The following PDE1C variants were observed in gnomAD, a reference collection of about 807,000 sequenced individuals.
PDE1C encodes the protein phosphodiesterase 1C.
PDE1C carries 62 observed loss-of-function variants against 93.1 expected under a neutral mutation model. The observed-to-expected ratio is 0.67, with a 90% CI of 0.54 to 0.82. The LOEUF is 0.82. Among genes scored for constraint, PDE1C ranks in the 40% least tolerant of loss-of-function variants. The pLI, the probability that PDE1C is intolerant of heterozygous loss-of-function variation, is 0.00. For missense variants in PDE1C, 742 were observed against 884.6 expected (o/e 0.84, Z 2.04); for synonymous variants, 325 against 310.1 (o/e 1.05, Z -0.50).
intron 1 of PDE1C, among the ~76,000 whole-genome samples, chr7:32,317,249 A>G (rs1783193909): frequency 6.6e-6 from 1 of 152,114 alleles, no homozygotes; most frequent in Non-Finnish European, 1.5e-5. Flanking sequence ...TTTATTCTCA[A>G]CTCATGTTTT....
chr7:31,638,769 T>C, the PDE1C span, among the ~76,000 whole-genome samples: 1 of 152,250 alleles, frequency 6.6e-6, no homozygotes, highest in East Asian at 1.9e-4. Flanking sequence ...TTTTCTTTCT[T>C]TTGTTTTTCG....
chr7:32,193,650 A>G (rs1804389696), intron 2 of PDE1C, among the ~76,000 whole-genome samples: 1 of 152,118 alleles, frequency 6.6e-6, no homozygotes, highest in Non-Finnish European at 1.5e-5. Context: ...CATCAAGACA[A>G]TGTTAGCTTC....
At chr7:32,420,124 TACACAC>T (rs1156625491) in intron 1 of PDE1C, among the ~76,000 whole-genome samples, 492 of 13,076 alleles carry the variant, frequency 0.038, 85 homozygotes, top group Non-Finnish European at 0.048. Flanking sequence ...TATATATATA[TACACAC>T]ACACACACAC....
chr7:31,660,937 CTATA>C, the PDE1C span, among the ~76,000 whole-genome samples: 5 of 151,650 alleles, frequency 3.3e-5, no homozygotes, highest in African/African-American at 4.8e-5. Context: ...ACATATATGC[CTATA>C]TATAGTGTTC....
At chr7:31,896,022 C>CATACAT (rs772075053) in intron 2 of PDE1C, among the ~76,000 whole-genome samples, 1 of 151,940 alleles carries the variant, frequency 6.6e-6, no homozygotes. Flanking sequence ...TACATACATA[C>CATACAT]ACACACAAAC....
At position 31,841,225 on chromosome 7, in the gene PDE1C, C is replaced by CTATATA. The variant is rs1245444243; in HGVS notation, c.981-3255_981-3254insTATATA. On this transcript the variant is annotated intron_variant, in intron 9 of 17. Coordinates refer to ENST00000396191, the MANE Select transcript of PDE1C (RefSeq NM_001191057.4). ...CCTCTCTCTGTCTCTCTCTCTCTCT[C>CTATATA]TCTATATATATATATATATGTATAT... 1.1e-4 allele frequency among the ~76,000 whole-genome samples: 10 copies of CTATATA among 89,644 alleles called. No individual in the cohort carries two copies. In the East Asian group the frequency reaches 3.0e-3, roughly 27 times the overall value. 58.8% of individuals were successfully genotyped at this position (89,644 alleles called of 152,430 possible).
chr7:31,742,863 G>C, the PDE1C span, among the ~76,000 whole-genome samples: 1 of 152,130 alleles, frequency 6.6e-6, no homozygotes, highest in Non-Finnish European at 1.5e-5. Flanking sequence ...TCTGTCCCCA[G>C]TGTGGTCCCT....
At chr7:32,259,358 C>T (rs895847535) in intron 1 of PDE1C, among the ~76,000 whole-genome samples, 2 of 152,154 alleles carry the variant, frequency 1.3e-5, no homozygotes, top group East Asian at 3.9e-4. Context: ...CACTTACATG[C>T]TAATATGGCT....
intron 1 of PDE1C, among the ~76,000 whole-genome samples, chr7:32,066,399 T>C (rs1014393630): frequency 2.0e-5 from 3 of 152,348 alleles, no homozygotes; most frequent in Admixed American, 6.5e-5. Context: ...CATCATCATC[T>C]TCATGGAGTG....
At chr7:32,407,139 G>A (rs1785070128) in intron 1 of PDE1C, among the ~76,000 whole-genome samples, 1 of 151,890 alleles carries the variant, frequency 6.6e-6, no homozygotes, top group Non-Finnish European at 1.5e-5. Flanking sequence ...TCGGGGTGTA[G>A]TGGTGGGCGC....
At chr7:32,262,694 T>C (rs1220555263) in intron 1 of PDE1C, among the ~76,000 whole-genome samples, 2 of 152,214 alleles carry the variant, frequency 1.3e-5, no homozygotes, top group Non-Finnish European at 2.9e-5. Context: ...CCACTCTGTG[T>C]TGCTCTGATT....
At chr7:31,856,136 G>C (rs1051124853) in intron 7 of PDE1C, among the ~76,000 whole-genome samples, 6 of 152,158 alleles carry the variant, frequency 3.9e-5, no homozygotes, top group Non-Finnish European at 5.9e-5. Flanking sequence ...CTTTATCAAT[G>C]GGTTGTTTTG....
At chr7:32,342,098 T>C (rs215672) in intron 1 of PDE1C, among the ~76,000 whole-genome samples, 121,878 of 152,132 alleles carry the variant, frequency 0.8, 49,169 homozygotes, top group Admixed American at 0.85. Context: ...AATGTATGAT[T>C]GTTTGCTATC....
chr7:32,313,303 G>A (rs1290642832), intron 1 of PDE1C, among the ~76,000 whole-genome samples: 1 of 150,594 alleles, frequency 6.6e-6, no homozygotes, highest in Non-Finnish European at 1.5e-5. Flanking sequence ...TACACTGTTG[G>A]TGGGACTGTA....
chr7:31,957,022 GA>G (rs1452734236), intron 2 of PDE1C, among the ~76,000 whole-genome samples: 1 of 151,614 alleles, frequency 6.6e-6, no homozygotes, highest in East Asian at 1.9e-4. Flanking sequence ...CACCAGGGGT[GA>G]AATTGACTGA....
chr7:32,337,027 G>A (rs1298873834), intron 1 of PDE1C, among the ~76,000 whole-genome samples: 1 of 151,960 alleles, frequency 6.6e-6, no homozygotes, highest in Non-Finnish European at 1.5e-5. Flanking sequence ...CACGGATTCT[G>A]CTTTCATGTT....
intron 1 of PDE1C, among the ~76,000 whole-genome samples, chr7:32,250,244 C>T (rs62457463): frequency 0.076 from 11,518 of 152,186 alleles, 588 homozygotes; most frequent in Non-Finnish European, 0.1. Flanking sequence ...TGCTACTATC[C>T]CCATTTTATA....
At chr7:31,729,731 T>G in the PDE1C span, among the ~76,000 whole-genome samples, 1 of 152,324 alleles carries the variant, frequency 6.6e-6, no homozygotes, top group East Asian at 1.9e-4. Flanking sequence ...GAAGTGGGTT[T>G]GGGGTTAGTG....
At chr7:31,984,303 C>T (rs1428904536) in intron 2 of PDE1C, among the ~76,000 whole-genome samples, 3 of 152,120 alleles carry the variant, frequency 2.0e-5, no homozygotes, top group East Asian at 1.9e-4. Flanking sequence ...CTAGATTGCA[C>T]ACTCCTTATG....
Sources: gnomAD v4.1 joint callset for allele counts (sites outside exome capture counted in the v4.1 genomes callset) on GRCh38, gnomAD v4.1.1 for gene constraint, MANE v1.5 for transcripts, NCBI Gene and HGNC (gene_info 2026-07-23, HGNC 2026-07-21) for gene names.